Variants in RTTN observed in about 807,000 individuals in gnomAD.
The protein encoded by RTTN is rotatin.
In RTTN, 182 loss-of-function variants were observed where a neutral mutation model predicts 269.2. The ratio of observed to expected loss-of-function variants is 0.68; its 90% CI spans 0.60 to 0.76. The LOEUF (loss-of-function observed/expected upper bound fraction) is 0.76. Among genes scored for constraint, RTTN ranks in the 30% least tolerant of loss-of-function variants. The pLI is 0.00. For missense variants in RTTN, 2,545 were observed against 2,608.6 expected (o/e 0.98, Z 0.53); for synonymous variants, 1,006 against 963.5 (o/e 1.04, Z -0.82).
intron 11 of RTTN, among the ~76,000 whole-genome samples, chr18:70,175,045 C>CAAAAAAAAAAAA (rs5825998): frequency 2.3e-4 from 20 of 86,804 alleles, no homozygotes; most frequent in East Asian, 3.8e-4. Flanking sequence ...AAACCAAAAC[C>CAAAAAAAAAAAA]AAAAAAAAAA....
intron 40 of RTTN, among the ~76,000 whole-genome samples, chr18:70,044,928 A>G (rs994936654): frequency 2.0e-5 from 3 of 152,186 alleles, no homozygotes; most frequent in Admixed American, 6.5e-5. Flanking sequence ...ACAGTCAACC[A>G]TGAGTAACTG....
Position 70,149,981 on chromosome 18 carries a change from G to T in RTTN, c.2162C>A (p.Pro721Gln). ...KFIESLCPVI[P>Q]ILQGYADTED... ...AATTTCACAGAATACCTGTAGTATT[G>T]GGATGACAGGACAGAGAGATTCAAT... The change falls in exon 16 of 49, where the codon CCA becomes CAA. Residue 721 changes from proline to glutamine, a missense_variant. Transcript: ENST00000640769. 6.2e-7 allele frequency: 1 copy of T among 1,601,334 alleles called. No homozygotes were observed. Among genetic ancestry groups the T allele is most frequent in the South Asian group, 1.1e-5 (1 of 90,776 alleles).
At chr18:70,195,182 A>G (rs906298880) in intron 7 of RTTN, among the ~76,000 whole-genome samples, 1 of 152,096 alleles carries the variant, frequency 6.6e-6, no homozygotes, top group Non-Finnish European at 1.5e-5. Flanking sequence ...CATGGGCTTT[A>G]TTTCAGTTGC....
chr18:70,168,663 C>A (rs193121357), intron 12 of RTTN, among the ~76,000 whole-genome samples, 192 bp downstream of exon 12: 3 of 152,056 alleles, frequency 2.0e-5, no homozygotes, highest in Non-Finnish European at 4.4e-5. Context: ...TTAAAGTCTT[C>A]GTTTTACTTC....
At position 70,030,033 on chromosome 18, in the gene RTTN, C is replaced by G; in HGVS notation, c.5724G>C (p.Gly1908=). 6.2e-7 allele frequency: 1 copy of G among 1,612,374 alleles called. No individual in the cohort carries two copies. The change falls in exon 42 of 49, where the codon GGG becomes GGC. Residue 1908 remains glycine, a synonymous_variant. Coordinates refer to ENST00000640769, the MANE Select transcript of RTTN (RefSeq NM_173630.4). Reference sequence around the variant, plus strand: ...TTACCTTTTTTTTCAATGCTGCTTTCCCAGGCCTCAGAGAATCTAGGTTCA... The same window carrying G: ...TTACCTTTTTTTTCAATGCTGCTTTGCCAGGCCTCAGAGAATCTAGGTTCA... ...AQLNLDSLRP[G]KAALKKKEDG...
chr18:70,076,758 G>A (rs1404511506), intron 32 of RTTN, among the ~76,000 whole-genome samples: 1 of 151,884 alleles, frequency 6.6e-6, no homozygotes, highest in Non-Finnish European at 1.5e-5. Context: ...TAAATGCAGA[G>A]GTCTAGAAGA....
At chr18:70,173,645 A>G (rs958303921) in intron 11 of RTTN, among the ~76,000 whole-genome samples, 3 of 152,206 alleles carry the variant, frequency 2.0e-5, no homozygotes, top group Non-Finnish European at 4.4e-5. Context: ...CCTGCATTTT[A>G]GTGTGTCACT....
chr18:70,139,616 A>G lies in RTTN; in HGVS notation c.2771T>C (p.Leu924Ser). The stretch of plus-strand genomic sequence containing the variant: ...TTATTTACCTCTGAATAACACGGTC[A>G]AAAGAGAAGACTGTTGCGAGAGCGA... ...RVSLSQQSSL[L>S]TVLFRVSLIF... Residue 924 changes from leucine (L) to serine (S), a missense_variant, in exon 21 of 49, where the codon TTG (leucine) becomes TCG (serine). By Grantham distance (145) the Leu-to-Ser change is moderately radical. Transcript: ENST00000640769. 3 of 1,609,672 alleles carry G rather than the reference A, an allele frequency of 1.9e-6. No homozygotes were observed.
intron 42 of RTTN, among the ~76,000 whole-genome samples, chr18:70,029,063 T>C (rs968168028): frequency 5.9e-5 from 9 of 151,470 alleles, no homozygotes; most frequent in Admixed American, 3.3e-4. Context: ...CCATGTTTCA[T>C]CTCAATAAAG....
chr18:70,049,541 A>C (rs17082015), intron 39 of RTTN, among the ~76,000 whole-genome samples: 2,953 of 152,282 alleles, frequency 0.019, 83 homozygotes, highest in African/African-American at 0.067. Flanking sequence ...TTGGTTAAAA[A>C]TTGTATCATG....
chr18:70,073,781 G>A (rs923333836), intron 34 of RTTN, 125 bp downstream of exon 34: 1 of 638,742 alleles, frequency 1.6e-6, no homozygotes, highest in South Asian at 1.9e-5. Flanking sequence ...AAATTCTGCA[G>A]AAAGCACTTC....
chr18:70,159,629 G>A (rs548299533), intron 14 of RTTN, among the ~76,000 whole-genome samples: 2 of 151,966 alleles, frequency 1.3e-5, no homozygotes, highest in South Asian at 4.2e-4. Context: ...ACAAAAGATC[G>A]ACAAAACCAA....
intron 40 of RTTN, among the ~76,000 whole-genome samples, chr18:70,044,492 C>A (rs886136701): frequency 1.3e-5 from 2 of 152,126 alleles, no homozygotes; most frequent in African/African-American, 4.8e-5. Flanking sequence ...CATTCCAACA[C>A]CCCCAGTGGA....
chr18:70,199,776 A>T (rs2061903332), intron 4 of RTTN, among the ~76,000 whole-genome samples: 1 of 152,264 alleles, frequency 6.6e-6, no homozygotes, highest in Non-Finnish European at 1.5e-5. Flanking sequence ...AGACTGACAT[A>T]TGAAGTTTCC....
At chr18:70,192,004 T>A (rs964601130) in intron 8 of RTTN, among the ~76,000 whole-genome samples, 1 of 152,186 alleles carries the variant, frequency 6.6e-6, no homozygotes, top group Non-Finnish European at 1.5e-5. Flanking sequence ...TCTCCTATCA[T>A]TTTATTTAAC....
At chr18:70,065,661 G>A (rs555223398) in intron 35 of RTTN, among the ~76,000 whole-genome samples, 168 bp downstream of exon 35, 65 of 152,218 alleles carry the variant, frequency 4.3e-4, no homozygotes, top group Middle Eastern at 3.4e-3. Context: ...TTAGTTAAGA[G>A]CATTTATTTT....
In RTTN at chr18:70,163,069, T is replaced by TTAAAAAAAAAA. The variant is rs766183356; in HGVS notation, c.1929+2992_1929+2993insTTTTTTTTTTA. Among the ~76,000 whole-genome samples, 9 of 56,984 alleles carry TTAAAAAAAAAA rather than the reference T, an allele frequency of 1.6e-4. 1 individual carries two copies. The East Asian group carries it at 2.6e-3, about 16-fold the overall frequency. 37.4% of individuals were successfully genotyped at this position (56,984 alleles called of 152,430 possible). ...CACCCATTAGGATGGTTACTATTAT[T>TTAAAAAAAAAA]AAAAAAAAAAAAAAAAAAAAAAAAA... On this transcript the variant is annotated intron_variant, in intron 14 of 48. Coordinates refer to ENST00000640769, the MANE Select transcript of RTTN (RefSeq NM_173630.4).
intron 43 of RTTN, among the ~76,000 whole-genome samples, chr18:70,026,963 T>G (rs900123629): frequency 6.6e-6 from 1 of 152,206 alleles, no homozygotes; most frequent in African/African-American, 2.4e-5. Context: ...CTCACACCTG[T>G]GCTCTGCTCT....
chr18:70,199,728 T>C (rs2061902224), intron 4 of RTTN, among the ~76,000 whole-genome samples: 1 of 152,178 alleles, frequency 6.6e-6, no homozygotes, highest in African/African-American at 2.4e-5. Context: ...GATATCAAAA[T>C]AAGTATTAGA....
Sources: allele counts gnomAD v4.1 joint callset (sites outside exome capture counted in the v4.1 genomes callset), GRCh38; gene constraint gnomAD v4.1.1; transcripts MANE v1.5; gene names NCBI Gene and HGNC (gene_info 2026-07-23, HGNC 2026-07-21).